The following OPCML variants were observed in gnomAD, a reference collection of about 807,000 sequenced individuals.
OPCML encodes the protein opioid-binding protein/cell adhesion molecule.
OPCML carries 13 observed loss-of-function variants against 37.8 expected under a neutral mutation model. The ratio of observed to expected loss-of-function variants is 0.34; its 90% confidence interval spans 0.22 to 0.55. The LOEUF is 0.55. Ranked by LOEUF, OPCML falls within the 20% of genes least tolerant of loss-of-function variation. The pLI is 0.91. For missense variants in OPCML, 341 were observed against 435.6 expected (o/e 0.78, Z 1.93); for synonymous variants, 176 against 168.8 (o/e 1.04, Z -0.33).
At chr11:132,741,014 C>T (rs1474119745) in intron 2 of OPCML, among the ~76,000 whole-genome samples, 1 of 152,196 alleles carries the variant, frequency 6.6e-6, no homozygotes, top group Non-Finnish European at 1.5e-5. Context: ...TCAAATCCAG[C>T]ATCCACTGGG....
At chr11:132,811,178 C>T (rs1939317662) in intron 2 of OPCML, among the ~76,000 whole-genome samples, 1 of 152,128 alleles carries the variant, frequency 6.6e-6, no homozygotes, top group African/African-American at 2.4e-5. Context: ...AATCAAACTG[C>T]TCCCAGCTGC....
intron 1 of OPCML, chr11:133,422,682 T>C: frequency 1.0e-6 from 1 of 984,328 alleles, no homozygotes; most frequent in Non-Finnish European, 1.2e-6. Context: ...ATAATTATTA[T>C]GTCATGAGGA....
At chr11:132,445,478 G>A (rs1197865633) in intron 4 of OPCML, among the ~76,000 whole-genome samples, 1 of 152,178 alleles carries the variant, frequency 6.6e-6, no homozygotes, top group African/African-American at 2.4e-5. Flanking sequence ...GACCTAAAGG[G>A]TTTTGTCTTG....
intron 2 of OPCML, among the ~76,000 whole-genome samples, chr11:132,767,493 A>T (rs1946487097): frequency 6.6e-6 from 1 of 152,188 alleles, no homozygotes; most frequent in African/African-American, 2.4e-5. Context: ...CATTTAGCCG[A>T]CATACTGCAT....
chr11:133,034,374 T>C, intron 1 of OPCML, among the ~76,000 whole-genome samples: 1 of 147,528 alleles, frequency 6.8e-6, no homozygotes, highest in South Asian at 2.2e-4. Context: ...ACAGAGGGAA[T>C]GCATGCAAGT....
At chr11:132,441,532 A>T (rs973963368) in intron 4 of OPCML, among the ~76,000 whole-genome samples, 5 of 152,188 alleles carry the variant, frequency 3.3e-5, no homozygotes, top group African/African-American at 9.7e-5. Context: ...AGGAACTGCA[A>T]GTCTGCTCAA....
At chr11:133,059,861 A>G (rs1208440870) in intron 1 of OPCML, among the ~76,000 whole-genome samples, 1 of 152,210 alleles carries the variant, frequency 6.6e-6, no homozygotes, top group Non-Finnish European at 1.5e-5. Flanking sequence ...CAGTTGTTTC[A>G]TGGAAACCAA....
In OPCML at chr11:133,152,412, T is replaced by G. The variant is rs1285009716; in HGVS notation, c.62-209402A>C. The stretch of plus-strand genomic sequence containing the variant: ...AAGAACTCGGAGTTTCCTTTAAAGG[T>G]TGCTTCATCAAAACATGCCATTAGT... On this transcript the variant is annotated intron_variant, in intron 1 of 7. Transcript: ENST00000524381. Among the ~76,000 whole-genome samples the G allele has an allele frequency of 3.9e-5, 6 of 152,280 alleles. No homozygotes were observed. In the East Asian group the frequency reaches 1.2e-3, roughly 29 times the overall value.
intron 2 of OPCML, among the ~76,000 whole-genome samples, chr11:132,709,514 C>G (rs568429709): frequency 2.0e-5 from 3 of 152,246 alleles, no homozygotes; most frequent in East Asian, 3.9e-4. Flanking sequence ...GTCCTTTTTC[C>G]TAAATCTCCT....
intron 1 of OPCML, among the ~76,000 whole-genome samples, chr11:133,097,138 C>T (rs184483474): frequency 6.6e-6 from 1 of 152,130 alleles, no homozygotes; most frequent in East Asian, 1.9e-4. Flanking sequence ...CAAGACAGAC[C>T]ACATCCAGAA....
intron 1 of OPCML, among the ~76,000 whole-genome samples, chr11:133,500,082 G>T: frequency 6.6e-6 from 1 of 151,906 alleles, no homozygotes; most frequent in Non-Finnish European, 1.5e-5. Context: ...ATCTTGGCCA[G>T]GCTGGTCTTG....
chr11:132,479,218 C>T (rs779065569), intron 4 of OPCML, among the ~76,000 whole-genome samples: 38 of 152,192 alleles, frequency 2.5e-4, no homozygotes, highest in Non-Finnish European at 4.9e-4. Flanking sequence ...TCAGGAAGTG[C>T]AAGGGGTCAG....
At chr11:132,945,930 C>A (rs1945737070) in intron 1 of OPCML, among the ~76,000 whole-genome samples, 1 of 152,138 alleles carries the variant, frequency 6.6e-6, no homozygotes, top group Non-Finnish European at 1.5e-5. Context: ...CTACAGGCGC[C>A]CACCACCATG....
chr11:133,130,055 A>G (rs924177294), intron 1 of OPCML, among the ~76,000 whole-genome samples: 14 of 152,192 alleles, frequency 9.2e-5, no homozygotes, highest in African/African-American at 3.4e-4. Context: ...AACAGTTATT[A>G]TAACTGTATT....
At chr11:133,038,294 C>T (rs551404565) in intron 1 of OPCML, among the ~76,000 whole-genome samples, 2 of 152,288 alleles carry the variant, frequency 1.3e-5, no homozygotes, top group South Asian at 2.1e-4. Flanking sequence ...GCTTATAGCT[C>T]GGGTGGGACA....
intron 1 of OPCML, among the ~76,000 whole-genome samples, chr11:133,172,516 C>T (rs769893788): frequency 3.3e-5 from 5 of 151,980 alleles, no homozygotes; most frequent in East Asian, 1.9e-4. Context: ...GAGAATCAGG[C>T]GTGGTAGTGA....
At chr11:133,140,525 T>TAAGAAG (rs1306668854) in intron 1 of OPCML, among the ~76,000 whole-genome samples, 443 of 56,998 alleles carry the variant, frequency 7.8e-3, no homozygotes, top group East Asian at 0.027. Flanking sequence ...ATAATAATAA[T>TAAGAAG]AATAATAAGA....
intron 1 of OPCML, among the ~76,000 whole-genome samples, chr11:133,083,645 AAC>A (rs1253999492): frequency 1.3e-5 from 2 of 152,216 alleles, no homozygotes; most frequent in Non-Finnish European, 2.9e-5. Flanking sequence ...TTCATACTGG[AAC>A]AGTTATCTTG....
chr11:132,696,791 G>A (rs1052375024), intron 2 of OPCML, among the ~76,000 whole-genome samples: 1 of 151,968 alleles, frequency 6.6e-6, no homozygotes, highest in Admixed American at 6.6e-5. Context: ...AAAGTCCAAC[G>A]CTGACCCATA....
Sources: allele counts gnomAD v4.1 joint callset (sites outside exome capture counted in the v4.1 genomes callset), GRCh38; gene constraint gnomAD v4.1.1; transcripts MANE v1.5; gene names NCBI Gene and HGNC (gene_info 2026-07-23, HGNC 2026-07-21).